The following SLC17A3 variants were observed in gnomAD, a reference collection of about 807,000 sequenced individuals.
The protein encoded by SLC17A3 is solute carrier family 17 member 3, also known as sodium-dependent phosphate transport protein 4.
SLC17A3 carries 61 observed loss-of-function variants against 60.3 expected under a neutral mutation model. The observed-to-expected ratio is 1.01, with a 90% CI of 0.82 to 1.25. The LOEUF (loss-of-function observed/expected upper bound fraction) is 1.25, where lower values mean the gene tolerates loss of function less well. SLC17A3 is among the 50% of genes most tolerant of loss of function. The pLI, the probability that SLC17A3 is intolerant of heterozygous loss-of-function variation, is 0.00. For synonymous variants in SLC17A3, 192 were observed against 208.9 expected (o/e 0.92, Z 0.70); for missense variants, 624 against 594.9 (o/e 1.05, Z -0.51).
At position 25,850,872 on chromosome 6, in the gene SLC17A3, C is replaced by T; in HGVS notation, c.718G>A (p.Val240Ile). ...WPFVFYIFGGVGCVCCLLWFV... is the reference protein window; with the variant it reads ...WPFVFYIFGGIGCVCCLLWFV... Reference sequence around the variant, plus strand: ...CAGAGAAGGCAGCAGACACAGCCAACACCTCCTGTAAGCACAGGGTAAATT... The same window carrying T: ...CAGAGAAGGCAGCAGACACAGCCAATACCTCCTGTAAGCACAGGGTAAATT... Residue 240 changes from valine to isoleucine, a missense_variant, in exon 7 of 13, where the codon GTT becomes ATT. Val to Ile is a conservative substitution (Grantham distance 29, BLOSUM62 3). Transcript: ENST00000397060. The T allele has an allele frequency of 6.2e-7, 1 of 1,613,770 alleles. No individual in the cohort carries two copies. Among genetic ancestry groups the T allele is most frequent in the Non-Finnish European group, 8.5e-7 (1 of 1,179,652 alleles).
At chr6:25,862,663 G>C (rs149873856) in intron 2 of SLC17A3, among the ~76,000 whole-genome samples, 19 of 151,884 alleles carry the variant, frequency 1.3e-4, no homozygotes, top group African/African-American at 3.6e-4. Flanking sequence ...ACTTGATCTC[G>C]GGGGTTCTGT....
At chr6:25,846,075 C>G (rs1034533101) in intron 11 of SLC17A3, among the ~76,000 whole-genome samples, 23 of 152,070 alleles carry the variant, frequency 1.5e-4, no homozygotes, top group African/African-American at 5.6e-4. Context: ...CTTTCATTAT[C>G]CCCTTTTTGG....
At chr6:25,858,956 A>G (rs563228551) in intron 5 of SLC17A3, among the ~76,000 whole-genome samples, 1 of 152,292 alleles carries the variant, frequency 6.6e-6, no homozygotes, top group African/African-American at 2.4e-5. Flanking sequence ...GGGCTTCATT[A>G]AAGTTGTATC....
chr6:25,859,334 A>G (rs1765409511), intron 5 of SLC17A3, among the ~76,000 whole-genome samples: 1 of 152,180 alleles, frequency 6.6e-6, no homozygotes, highest in African/African-American at 2.4e-5. Context: ...AGTTTGTGAA[A>G]TTCAAATGTG....
intron 6 of SLC17A3, among the ~76,000 whole-genome samples, 182 bp downstream of exon 6, chr6:25,854,962 G>C (rs1462055695): frequency 6.6e-6 from 1 of 152,144 alleles, no homozygotes; most frequent in Non-Finnish European, 1.5e-5. Context: ...CTTTATAATA[G>C]GCAGGAGAAC....
At chr6:25,848,498 G>A (rs540938073) in intron 11 of SLC17A3, among the ~76,000 whole-genome samples, 2 of 152,208 alleles carry the variant, frequency 1.3e-5, no homozygotes, top group South Asian at 4.1e-4. Context: ...ATTTAGTAGG[G>A]AAAGGACACC....
chr6:25,868,789 T>C (rs1765582824), intron 1 of SLC17A3, among the ~76,000 whole-genome samples: 4 of 152,104 alleles, frequency 2.6e-5, no homozygotes, highest in African/African-American at 9.6e-5. Context: ...AAAAAGTTGC[T>C]GTTGGCTTAA....
At chr6:25,864,562 G>A (rs571553406) in intron 2 of SLC17A3, among the ~76,000 whole-genome samples, 2 of 152,020 alleles carry the variant, frequency 1.3e-5, no homozygotes, top group African/African-American at 4.8e-5. Context: ...AGGAGAAGGG[G>A]AGTTTGAGAG....
At chr6:25,845,593 A>T in intron 11 of SLC17A3, 77 bp from the exon 12 acceptor site, 1 of 1,513,322 alleles carries the variant, frequency 6.6e-7, no homozygotes, top group Non-Finnish European at 9.2e-7. Flanking sequence ...AGTTCAGATG[A>T]CAACATTCAC....
At chr6:25,847,680 A>G (rs968197479) in intron 11 of SLC17A3, among the ~76,000 whole-genome samples, 8 of 151,768 alleles carry the variant, frequency 5.3e-5, no homozygotes, top group Non-Finnish European at 1.2e-4. Flanking sequence ...AGCTTTTTTC[A>G]TACCTTTGTT....
At chr6:25,847,190 C>G (rs1232236934) in intron 11 of SLC17A3, among the ~76,000 whole-genome samples, 2 of 152,018 alleles carry the variant, frequency 1.3e-5, no homozygotes, top group African/African-American at 4.8e-5. Context: ...GTTTTCTGTT[C>G]CTGCGTTAGT....
Position 25,868,349 on chromosome 6 carries a change from C to G in SLC17A3, c.39G>C (p.Glu13Asp), listed in dbSNP as rs1201035341. 6.2e-7 allele frequency: 1 copy of G among 1,612,200 alleles called. No individual in the cohort carries two copies. The highest frequency in any genetic ancestry group is 8.5e-7 in the Non-Finnish European group (1 of 1,178,798). Residue 13 changes from glutamate to aspartate, a missense_variant, in exon 2 of 13, where the codon GAG becomes GAC. By Grantham distance (45) the Glu-to-Asp change is conservative (BLOSUM62 2). Coordinates refer to ENST00000397060, the MANE Select transcript of SLC17A3 (RefSeq NM_001098486.2). ...CTTGCATATCTTGTGCGTTCTTGCT[C>G]TCCCTTGCTGTGGGACTCAACTCTG... ...TKTELSPTAR[E>D]SKNAQDMQVD...
chr6:25,858,224 A>G (rs1319946744), intron 5 of SLC17A3, among the ~76,000 whole-genome samples: 1 of 152,030 alleles, frequency 6.6e-6, no homozygotes, highest in Non-Finnish European at 1.5e-5. Context: ...AACCCCCTCC[A>G]TGCACTTTGA....
At chr6:25,872,929 C>T (rs73385016) in intron 1 of SLC17A3, among the ~76,000 whole-genome samples, 3,737 of 152,116 alleles carry the variant, frequency 0.025, 131 homozygotes, top group African/African-American at 0.08. Flanking sequence ...TACCAACACC[C>T]TATCTCTAAG....
chr6:25,850,500 G>A lies in SLC17A3; in HGVS notation c.952C>T (p.Pro318Ser), dbSNP rs776196300. 2.9e-5 allele frequency: 46 copies of A among 1,613,732 alleles called. No homozygotes were observed. The highest frequency in any genetic ancestry group is 3.6e-5 in the Non-Finnish European group (42 of 1,179,794). The change falls in exon 8 of 13, where the codon CCA becomes TCA. Residue 318 changes from proline to serine, a missense_variant. Pro to Ser is a moderately conservative substitution (Grantham distance 74). Coordinates refer to ENST00000397060, the MANE Select transcript of SLC17A3 (RefSeq NM_001098486.2). ...TGGTACACAGAGCTGATGTAAGTTG[G>A]TATGTATACAACCATTGTGCTAACT... ...WLVSTMVVYI[P>S]TYISSVYHVN...
At chr6:25,847,267 T>C (rs1015570417) in intron 11 of SLC17A3, among the ~76,000 whole-genome samples, 1 of 152,242 alleles carries the variant, frequency 6.6e-6, no homozygotes, top group Admixed American at 6.5e-5. Flanking sequence ...TTCTGAATAG[T>C]ATTTCATGGT....
intron 1 of SLC17A3, among the ~76,000 whole-genome samples, chr6:25,870,886 G>A (rs1188041261): frequency 2.0e-5 from 3 of 152,024 alleles, no homozygotes; most frequent in Non-Finnish European, 4.4e-5. Flanking sequence ...TAATCCAGAA[G>A]GGAAAATGAA....
At chr6:25,845,348 C>G in intron 12 of SLC17A3, 32 bp downstream of exon 12, 1 of 1,613,224 alleles carries the variant, frequency 6.2e-7, no homozygotes, top group Non-Finnish European at 8.5e-7. Context: ...GCTTCTATGG[C>G]TATAACCATG....
intron 6 of SLC17A3, among the ~76,000 whole-genome samples, chr6:25,852,941 C>T (rs1022423011): frequency 6.6e-6 from 1 of 152,102 alleles, no homozygotes; most frequent in African/African-American, 2.4e-5. Flanking sequence ...TCTTATTAAG[C>T]TTTGTTTTGG....
Sources: gnomAD v4.1 joint callset for allele counts (sites outside exome capture counted in the v4.1 genomes callset) on GRCh38, gnomAD v4.1.1 for gene constraint, MANE v1.5 for transcripts, NCBI Gene and HGNC (gene_info 2026-07-23, HGNC 2026-07-21) for gene names.